C5orf24: variants seen among roughly 807,000 people sequenced by gnomAD.
C5orf24 encodes the protein UPF0461 protein C5orf24.
Under a neutral mutation model 9.8 loss-of-function variants are expected in C5orf24, and 4 were observed. That is an observed-to-expected ratio of 0.41 (90% CI 0.20 to 0.93). C5orf24 has a LOEUF of 0.93. Ranked by LOEUF, C5orf24 falls within the 40% of genes least tolerant of loss-of-function variation. C5orf24 has a pLI of 0.33. For synonymous variants in C5orf24, 73 were observed against 81.3 expected, an observed-to-expected ratio of 0.90 and a Z score of 0.55; for missense variants, 170 against 236.9, an observed-to-expected ratio of 0.72 and a Z score of 1.85.
In C5orf24 at chr5:134,857,515, C is replaced by CTCT; in HGVS notation, c.*2048_*2049insTCT. On this transcript the variant is annotated 3_prime_UTR_variant, in exon 2 of 2. Coordinates refer to ENST00000394976, the MANE Select transcript of C5orf24 (RefSeq NM_001135586.1). ...TCAACAATATTAGCTTTGCACAAAC[C>CTCT]ATAGAGAACGATGTTGGATGGTTAC... 2 of 1,280,466 alleles carry CTCT rather than the reference C, an allele frequency of 1.6e-6. No homozygotes were observed. Among genetic ancestry groups the CTCT allele is most frequent in the Non-Finnish European group, 2.0e-6 (2 of 978,938 alleles). 79.3% of individuals were successfully genotyped at this position (1,280,466 alleles called of 1,614,324 possible).
chr5:134,848,952 C>T (rs1389600156), intron 1 of C5orf24, among the ~76,000 whole-genome samples: 2 of 134,184 alleles, frequency 1.5e-5, no homozygotes, highest in Admixed American at 7.6e-5. Context: ...AGTGAAACTC[C>T]GTCTCAAAAA....
At chr5:134,845,027 C>T (rs1182967916), upstream of C5orf24, among the ~76,000 whole-genome samples, 1 of 152,224 alleles carries the variant, frequency 6.6e-6, no homozygotes, top group Non-Finnish European at 1.5e-5. Flanking sequence ...TGAGCCACCG[C>T]ACCCAGGCTG....
intron 1 of C5orf24, among the ~76,000 whole-genome samples, chr5:134,854,589 CAGAAT>C (rs942597790): frequency 6.6e-6 from 1 of 152,194 alleles, no homozygotes; most frequent in Non-Finnish European, 1.5e-5. Context: ...GAAAAGCCCA[CAGAAT>C]AGAACATTTG....
intron 1 of C5orf24, 82 bp from the exon 2 acceptor site, chr5:134,854,816 G>C: frequency 6.8e-7 from 1 of 1,465,082 alleles, no homozygotes; most frequent in South Asian, 1.2e-5. Flanking sequence ...TTGGAAGACA[G>C]ACTGTTTTCT....
chr5:134,854,852 A>G (rs1353947586), intron 1 of C5orf24, 46 bp from the exon 2 acceptor site: 2 of 1,581,806 alleles, frequency 1.3e-6, no homozygotes, highest in Admixed American at 1.7e-5. Context: ...ACAGGTATGT[A>G]TTTGTGTGTG....
chr5:134,840,633 A>G, the C5orf24 span, among the ~76,000 whole-genome samples: 1 of 152,106 alleles, frequency 6.6e-6, no homozygotes, highest in African/African-American at 2.4e-5. Flanking sequence ...TCATGGGCTC[A>G]AACAATCTTC....
chr5:134,855,632 G>A lies in C5orf24; in HGVS notation c.*165G>A. ...GCTCAAAAACTGCCATATGCTGACA[G>A]ATGCACTCAGGGCATGAGCAGCGGC... is the stretch of plus-strand genomic sequence containing the variant. On this transcript the variant is annotated 3_prime_UTR_variant, in exon 2 of 2. Coordinates refer to ENST00000394976, the MANE Select transcript of C5orf24 (RefSeq NM_001135586.1). 6.8e-7 allele frequency: 1 copy of A among 1,472,678 alleles called. No homozygotes were observed. Among genetic ancestry groups the A allele is most frequent in the Non-Finnish European group, 9.0e-7 (1 of 1,117,076 alleles). The allele number at this position is 1,472,678 out of a possible 1,614,324, so 91.2% of individuals were successfully genotyped here.
chr5:134,847,444 C>T (rs1217043177), intron 1 of C5orf24, among the ~76,000 whole-genome samples: 1 of 151,914 alleles, frequency 6.6e-6, no homozygotes, highest in Non-Finnish European at 1.5e-5. Context: ...TATAGGCATG[C>T]GCCACCACAC....
upstream of C5orf24, among the ~76,000 whole-genome samples, chr5:134,843,680 C>T (rs1755932917): frequency 6.6e-6 from 1 of 152,190 alleles, no homozygotes; most frequent in South Asian, 2.1e-4. Flanking sequence ...CCTCAGCCTC[C>T]CGAGTAACTG....
chr5:134,851,450 G>T (rs1756158867), intron 1 of C5orf24, among the ~76,000 whole-genome samples: 1 of 138,514 alleles, frequency 7.2e-6, no homozygotes, highest in Non-Finnish European at 1.5e-5. Flanking sequence ...CACCCCCCAG[G>T]GAACATTTGG....
At position 134,858,891 on chromosome 5, in the gene C5orf24, C is replaced by A. The variant is rs1211444371; in HGVS notation, c.*3424C>A. 1.8e-5 allele frequency: 3 copies of A among 166,538 alleles called. No individual in the cohort carries two copies. Among genetic ancestry groups the A allele is most frequent in the Non-Finnish European group, 2.9e-5 (2 of 68,010 alleles). 10.3% of individuals were successfully genotyped at this position (166,538 alleles called of 1,614,324 possible). On this transcript the variant is annotated 3_prime_UTR_variant, in exon 2 of 2. Transcript: ENST00000394976. ...CAATGTTTTAATTAGACTAAAAATT[C>A]TTTATATTTTTTATTTACTTTTTAA... is the stretch of plus-strand genomic sequence containing the variant.
upstream of C5orf24, among the ~76,000 whole-genome samples, chr5:134,844,306 A>G (rs570611393): frequency 6.6e-6 from 1 of 152,282 alleles, no homozygotes; most frequent in East Asian, 1.9e-4. Flanking sequence ...CCTTTTACAT[A>G]TAAATAACAC....
chr5:134,843,659 C>T (rs570623560), upstream of C5orf24, among the ~76,000 whole-genome samples: 2 of 152,196 alleles, frequency 1.3e-5, no homozygotes, highest in Non-Finnish European at 2.9e-5. Context: ...CAGGTTCAAG[C>T]GATTCTCTTG....
upstream of C5orf24, chr5:134,845,804 C>T (rs1167311964): frequency 2.6e-5 from 4 of 152,260 alleles, no homozygotes. Flanking sequence ...CGGTCCACGC[C>T]GGATCACCAG....
chr5:134,839,685 CTT>C, the C5orf24 span, among the ~76,000 whole-genome samples: 1 of 147,968 alleles, frequency 6.8e-6, no homozygotes, highest in Non-Finnish European at 1.5e-5. Context: ...TAAGGAGTAA[CTT>C]TACCTTTTTT....
intron 1 of C5orf24, among the ~76,000 whole-genome samples, chr5:134,850,937 T>TATATATATACACACACAC (rs762710710): frequency 6.8e-6 from 1 of 146,992 alleles, no homozygotes; most frequent in African/African-American, 2.5e-5. Context: ...TATATATATA[T>TATATATATACACACACAC]ACACACACAC....
chr5:134,853,528 C>CTTCTTTTTTTT (rs1756223114), intron 1 of C5orf24, among the ~76,000 whole-genome samples: 2 of 104,242 alleles, frequency 1.9e-5, no homozygotes, highest in African/African-American at 7.1e-5. Flanking sequence ...TCTTCTTCTT[C>CTTCTTTTTTTT]TTTTTTTTTT....
Position 134,846,189 on chromosome 5 carries a change from G to A in C5orf24, c.-27G>A, listed in dbSNP as rs1354629868. Reference sequence around the variant, plus strand: ...GCTGGGAAGCCCCTAGACGCGCCGAGGGGCCGGGCTACGAGCGGCTGAGGT... The same window carrying A: ...GCTGGGAAGCCCCTAGACGCGCCGAAGGGCCGGGCTACGAGCGGCTGAGGT... On this transcript the variant is annotated 5_prime_UTR_variant, in exon 1 of 2. Transcript: ENST00000394976. The A allele has an allele frequency of 6.6e-6, 1 of 152,378 alleles. No homozygotes were observed. Among genetic ancestry groups the A allele is most frequent in the Admixed American group, 6.5e-5 (1 of 15,294 alleles). The allele number at this position is 152,378 out of a possible 1,614,324, so 9.4% of individuals were successfully genotyped here.
chr5:134,850,000 A>G (rs1326164984), intron 1 of C5orf24, among the ~76,000 whole-genome samples: 3 of 151,602 alleles, frequency 2.0e-5, no homozygotes, highest in Non-Finnish European at 4.4e-5. Context: ...AAATAGCTTT[A>G]CTCTTGTCAA....
Sources: allele counts gnomAD v4.1 joint callset (sites outside exome capture counted in the v4.1 genomes callset), GRCh38; gene constraint gnomAD v4.1.1; transcripts MANE v1.5; gene names NCBI Gene and HGNC (gene_info 2026-07-23, HGNC 2026-07-21).